KCNJ5: variants seen among roughly 807,000 people sequenced by gnomAD.
KCNJ5 encodes the protein G protein-activated inward rectifier potassium channel 4.
In KCNJ5, 12 loss-of-function variants were observed where a neutral mutation model predicts 20.2. The observed-to-expected ratio is 0.59, with a 90% CI of 0.38 to 0.96. The LOEUF (loss-of-function observed/expected upper bound fraction) is 0.96. KCNJ5 is among the 40% of genes least tolerant of loss of function. The pLI is 0.00. For missense variants in KCNJ5, 449 were observed against 557.6 expected, an observed-to-expected ratio of 0.81 and a Z score of 1.96; for synonymous variants, 210 against 213.9, an observed-to-expected ratio of 0.98 and a Z score of 0.16.
intron 1 of KCNJ5, among the ~76,000 whole-genome samples, chr11:128,906,536 T>C (rs897162539): frequency 6.6e-6 from 1 of 152,160 alleles, no homozygotes; most frequent in African/African-American, 2.4e-5. Context: ...CCCTTCAAGC[T>C]CCTGTGGTTC....
At chr11:128,899,405 A>G (rs73025292) in intron 1 of KCNJ5, among the ~76,000 whole-genome samples, 6,024 of 152,154 alleles carry the variant, frequency 0.04, 157 homozygotes, top group South Asian at 0.085. Flanking sequence ...ATCCCTCACC[A>G]TCTCATCCTT....
Position 128,916,746 on chromosome 11 carries a change from C to G in KCNJ5, c.*15C>G. 1 of 1,567,170 alleles carries G rather than the reference C, an allele frequency of 6.4e-7. No individual in the cohort carries two copies. Among genetic ancestry groups the G allele is most frequent in the Non-Finnish European group, 8.7e-7 (1 of 1,152,860 alleles). On this transcript the variant is annotated 3_prime_UTR_variant, in exon 3 of 3. Transcript: ENST00000529694. ...GCTCGGTGTGAGGGGTGCAGCCTCC[C>G]TAAGACCTCCTGTCACTGGCTTCAG...
At chr11:128,904,638 C>G in intron 1 of KCNJ5, 1 of 709,578 alleles carries the variant, frequency 1.4e-6, no homozygotes, top group East Asian at 2.6e-5. Flanking sequence ...CGCATTTTAG[C>G]CAGATCCCCA....
Position 128,916,765 on chromosome 11 carries a change from G to C in KCNJ5, c.*34G>C. On this transcript the variant is annotated 3_prime_UTR_variant, in exon 3 of 3. Transcript: ENST00000529694. ...GCCTCCCTAAGACCTCCTGTCACTG[G>C]CTTCAGTGAACACAGACACTGCAGA... The C allele has an allele frequency of 6.8e-7, 1 of 1,481,056 alleles. No homozygotes were observed. The highest frequency in any genetic ancestry group is 9.2e-7 in the Non-Finnish European group (1 of 1,082,430). The allele number at this position is 1,481,056 out of a possible 1,614,324, so 91.7% of individuals were successfully genotyped here. A position where few individuals can be genotyped will look rare whatever the true frequency, so the allele number is the denominator to read the frequency against.
intron 1 of KCNJ5, among the ~76,000 whole-genome samples, chr11:128,896,107 TC>T (rs1042181789): frequency 6.6e-6 from 1 of 152,192 alleles, no homozygotes; most frequent in African/African-American, 2.4e-5. Flanking sequence ...GTTCTTTTTT[TC>T]CCCTCCATTT....
intron 1 of KCNJ5, among the ~76,000 whole-genome samples, chr11:128,892,695 C>T (rs1944113537): frequency 6.6e-6 from 1 of 152,206 alleles, no homozygotes; most frequent in Admixed American, 6.5e-5. Context: ...GAGATTCTCT[C>T]CTATATCTGA....
chr11:128,902,689 C>T (rs748355169), intron 1 of KCNJ5: 2 of 1,612,622 alleles, frequency 1.2e-6, no homozygotes, highest in East Asian at 2.2e-5. Flanking sequence ...GTCCTGAGGA[C>T]TGACAGGTAA....
At chr11:128,913,517 C>T (rs924115547) in intron 2 of KCNJ5, among the ~76,000 whole-genome samples, 5 of 152,054 alleles carry the variant, frequency 3.3e-5, no homozygotes, top group Admixed American at 2.0e-4. Context: ...CCACCCCACT[C>T]GCAGCAAAAC....
Position 128,891,443 on chromosome 11 carries a change from G to GAA in KCNJ5, c.-288_-287insAA, listed in dbSNP as rs1555142164. 2.0e-5 allele frequency: 2 copies of GAA among 100,970 alleles called. No homozygotes were observed. Among genetic ancestry groups the GAA allele is most frequent in the East Asian group, 6.0e-4 (2 of 3,312 alleles). The allele number at this position is 100,970 out of a possible 1,614,324, so 6.3% of individuals were successfully genotyped here. ...ACACACACACACACACACACACACA[G>GAA]AGAGAGAGAGAGAGAGAGAGAGAGA... On this transcript the variant is annotated 5_prime_UTR_variant, in exon 1 of 3. Transcript: ENST00000529694.
At chr11:128,891,788 C>T (rs1210256750) in intron 1 of KCNJ5, 67 bp downstream of exon 1, 1 of 152,296 alleles carries the variant, frequency 6.6e-6, no homozygotes, top group Non-Finnish European at 1.5e-5. Context: ...CAGGATGACA[C>T]CCTCAGGTGT....
At chr11:128,897,842 T>C (rs977704319) in intron 1 of KCNJ5, among the ~76,000 whole-genome samples, 13 of 152,232 alleles carry the variant, frequency 8.5e-5, no homozygotes, top group Non-Finnish European at 1.9e-4. Context: ...GAGACTTAGG[T>C]CAAGGTTCTT....
At chr11:128,915,920 T>C (rs1053331384) in intron 2 of KCNJ5, among the ~76,000 whole-genome samples, 47 of 149,724 alleles carry the variant, frequency 3.1e-4, no homozygotes, top group African/African-American at 9.9e-4. Flanking sequence ...ATTGGAAGGA[T>C]AGATGAATAA....
rs187370472 is a variant in KCNJ5 at position 128,893,275 on chromosome 11, C to T, written c.-11+1554C>T. Among the ~76,000 whole-genome samples the T allele has an allele frequency of 7.0e-3, 1,067 of 152,188 alleles. 6 individuals are homozygous for T. The highest frequency in any genetic ancestry group is 0.048 in the Middle Eastern group (14 of 292). Reference sequence around the variant, plus strand: ...GGCCTTCAGTGGGAGGCCTGGGGCACAGCGTATGTGCTTCTTGGAAGAGCA... The same window carrying T: ...GGCCTTCAGTGGGAGGCCTGGGGCATAGCGTATGTGCTTCTTGGAAGAGCA... On this transcript the variant is annotated intron_variant, in intron 1 of 2. Coordinates refer to ENST00000529694, the MANE Select transcript of KCNJ5 (RefSeq NM_000890.5).
intron 1 of KCNJ5, among the ~76,000 whole-genome samples, chr11:128,896,654 G>C (rs577796050): frequency 6.6e-6 from 1 of 152,106 alleles, no homozygotes; most frequent in South Asian, 2.1e-4. Context: ...GCTGAGTAGC[G>C]GGAATGTACC....
intron 1 of KCNJ5, among the ~76,000 whole-genome samples, chr11:128,895,436 C>T (rs1278830165): frequency 7.0e-6 from 1 of 142,452 alleles, no homozygotes; most frequent in African/African-American, 2.6e-5. Flanking sequence ...GTGCCTGGAA[C>T]CCTGGGCAGT....
At position 128,901,502 on chromosome 11, in the gene KCNJ5, T is replaced by A. The variant is rs534530403; in HGVS notation, c.-10-9762T>A. On this transcript the variant is annotated intron_variant, in intron 1 of 2. Transcript: ENST00000529694. ...GTGTTTAAAACAAAAGCAAAAAGAG[T>A]GCAAAGGCCATGGAGAATGCGGCAC... is the stretch of plus-strand genomic sequence containing the variant. 3 of 151,992 alleles carry A rather than the reference T, an allele frequency of 2.0e-5. No homozygotes were observed. The East Asian group carries it at 5.8e-4, about 29-fold the overall frequency. The allele number at this position is 151,992 out of a possible 1,614,324, so 9.4% of individuals were successfully genotyped here. A position where few individuals can be genotyped will look rare whatever the true frequency, so the allele number is the denominator to read the frequency against.
At chr11:128,913,442 T>C (rs368828697) in intron 2 of KCNJ5, among the ~76,000 whole-genome samples, 3 of 152,338 alleles carry the variant, frequency 2.0e-5, no homozygotes, top group African/African-American at 7.2e-5. Flanking sequence ...GGCAGACCTC[T>C]GTGAGGTGGC....
chr11:128,894,480 G>A (rs955138013), intron 1 of KCNJ5, among the ~76,000 whole-genome samples: 1 of 152,192 alleles, frequency 6.6e-6, no homozygotes, highest in African/African-American at 2.4e-5. Flanking sequence ...ATTGAGGGCT[G>A]GCAGTGTTTC....
At chr11:128,903,616 CAG>C in intron 1 of KCNJ5, 1 of 1,257,620 alleles carries the variant, frequency 8.0e-7, no homozygotes, top group Non-Finnish European at 1.1e-6. Flanking sequence ...AGCAGACCTT[CAG>C]AGAGTGACGG....
Sources: gnomAD v4.1 joint callset for allele counts (sites outside exome capture counted in the v4.1 genomes callset) on GRCh38, gnomAD v4.1.1 for gene constraint, MANE v1.5 for transcripts, NCBI Gene and HGNC (gene_info 2026-07-23, HGNC 2026-07-21) for gene names.